Variants in RXFP1 observed in about 807,000 individuals in gnomAD.
RXFP1 encodes relaxin receptor 1.
Under a neutral mutation model 89.8 loss-of-function variants are expected in RXFP1, and 73 were observed. That is an observed-to-expected ratio of 0.81 (90% CI 0.67 to 0.99). RXFP1 has a LOEUF of 0.99. Among genes scored for constraint, RXFP1 ranks in the 50% least tolerant of loss-of-function variants. The probability of loss-of-function intolerance (pLI) is 0.00; values close to 1 mark genes in which losing one functional copy is unlikely to be tolerated. For missense variants in RXFP1, 793 were observed against 895.5 expected, an observed-to-expected ratio of 0.89 and a Z score of 1.46; for synonymous variants, 277 against 305.5, an observed-to-expected ratio of 0.91 and a Z score of 0.97.
intron 1 of RXFP1, among the ~76,000 whole-genome samples, chr4:158,554,241 T>A (rs1750774271): frequency 6.6e-6 from 1 of 152,240 alleles, no homozygotes; most frequent in Non-Finnish European, 1.5e-5. Context: ...AGAAACCGTA[T>A]TTTTACACTC....
intron 1 of RXFP1, among the ~76,000 whole-genome samples, chr4:158,540,079 CA>C (rs1746228576): frequency 6.6e-6 from 1 of 152,208 alleles, no homozygotes; most frequent in African/African-American, 2.4e-5. Flanking sequence ...TTACTGTTAG[CA>C]GAAAGGGGTC....
chr4:158,625,956 G>A (rs1766613053), intron 9 of RXFP1, among the ~76,000 whole-genome samples: 1 of 152,070 alleles, frequency 6.6e-6, no homozygotes, highest in African/African-American at 2.4e-5. Context: ...TATGAAAGAA[G>A]AGGAACAATA....
intron 11 of RXFP1, among the ~76,000 whole-genome samples, chr4:158,632,579 G>A (rs937713592): frequency 4.6e-5 from 7 of 152,152 alleles, no homozygotes; most frequent in Admixed American, 1.3e-4. Context: ...AGGTGCTGCT[G>A]TCAAACACCT....
At position 158,638,461 on chromosome 4, in the gene RXFP1, A is replaced by G. The variant is rs528829904; in HGVS notation, c.1043+382A>G. Among the ~76,000 whole-genome samples the G allele has an allele frequency of 2.1e-4, 32 of 152,046 alleles. 1 individual carries two copies. The South Asian group carries it at 6.2e-3, about 30-fold the overall frequency. ...GATTATATAAATCCTTACTTGTACC[A>G]CACACACACAAAAAGACAAAAATTC... is the stretch of plus-strand genomic sequence containing the variant. On this transcript the variant is annotated intron_variant, in intron 13 of 17. Coordinates refer to ENST00000307765, the MANE Select transcript of RXFP1 (RefSeq NM_021634.4).
chr4:158,617,016 A>C (rs1764718837), intron 8 of RXFP1, 115 bp from the exon 9 acceptor site: 2 of 705,662 alleles, frequency 2.8e-6, no homozygotes, highest in East Asian at 5.9e-5. Context: ...TAGAAGGAAA[A>C]AACAACTAAT....
intron 1 of RXFP1, among the ~76,000 whole-genome samples, chr4:158,571,465 A>G (rs910171248): frequency 2.0e-5 from 3 of 152,120 alleles, no homozygotes; most frequent in Non-Finnish European, 4.4e-5. Context: ...TCAGGAGTTC[A>G]AGACCAGCCT....
At chr4:158,637,274 T>A (rs918609056) in intron 12 of RXFP1, among the ~76,000 whole-genome samples, 3 of 152,206 alleles carry the variant, frequency 2.0e-5, no homozygotes, top group African/African-American at 7.2e-5. Flanking sequence ...GAGGAATTTC[T>A]GGATCATGTA....
At chr4:158,599,223 G>A in intron 3 of RXFP1, 103 bp from the exon 4 acceptor site, 1 of 1,559,716 alleles carries the variant, frequency 6.4e-7, no homozygotes, top group Non-Finnish European at 8.7e-7. Flanking sequence ...ATATGCTTTT[G>A]TACTAAATGA....
At chr4:158,647,275 A>G in intron 16 of RXFP1, 74 bp downstream of exon 16, 2 of 1,203,366 alleles carry the variant, frequency 1.7e-6, no homozygotes, top group Non-Finnish European at 2.3e-6. Context: ...AGTAAGAATG[A>G]GGGTGAATTC....
intron 1 of RXFP1, among the ~76,000 whole-genome samples, chr4:158,562,617 C>T (rs1446290501): frequency 6.8e-6 from 1 of 146,562 alleles, no homozygotes; most frequent in African/African-American, 2.5e-5. Flanking sequence ...CTCAAACAAG[C>T]TGAGGTTACT....
intron 1 of RXFP1, among the ~76,000 whole-genome samples, chr4:158,524,234 C>A (rs1741900117): frequency 6.6e-6 from 1 of 152,188 alleles, no homozygotes; most frequent in Non-Finnish European, 1.5e-5. Flanking sequence ...GATTGGAATG[C>A]TTTCAGAGCC....
intron 4 of RXFP1, among the ~76,000 whole-genome samples, chr4:158,604,006 A>G (rs1762158046): frequency 6.6e-6 from 1 of 151,552 alleles, no homozygotes. Context: ...CTTAAGAACC[A>G]ATTCTCACCT....
At chr4:158,612,052 A>G (rs1763679852) in intron 6 of RXFP1, 78 bp from the exon 7 acceptor site, 2 of 1,199,044 alleles carry the variant, frequency 1.7e-6, no homozygotes, top group Non-Finnish European at 2.4e-6. Flanking sequence ...TTTAAGATGG[A>G]TGATTATTGT....
chr4:158,535,661 C>A (rs1439578613), intron 1 of RXFP1, among the ~76,000 whole-genome samples: 1 of 152,230 alleles, frequency 6.6e-6, no homozygotes, highest in Non-Finnish European at 1.5e-5. Context: ...TTTCCTGGGA[C>A]CTTAATACAT....
At chr4:158,572,572 C>A in intron 1 of RXFP1, 126 bp from the exon 2 acceptor site, 1 of 831,164 alleles carries the variant, frequency 1.2e-6, no homozygotes, top group Non-Finnish European at 2.0e-6. Context: ...TAACTGGCAT[C>A]AGGGTTGTAT....
intron 6 of RXFP1, among the ~76,000 whole-genome samples, chr4:158,609,607 G>T (rs545311262): frequency 6.6e-6 from 1 of 152,210 alleles, no homozygotes; most frequent in South Asian, 2.1e-4. Context: ...TTGGCTTGTG[G>T]TATCAGAGTT....
rs201229032 is a variant in RXFP1, at chr4:158,546,975, G to A, written c.49+24950G>A. Among the ~76,000 whole-genome samples the A allele has an allele frequency of 2.9e-3, 448 of 152,176 alleles. 2 individuals are homozygous for A. The highest frequency in any genetic ancestry group is 0.019 in the East Asian group (100 of 5,180). ...GATGCTGGCCTCATAAAATGAGTTA[G>A]GGAGGATTCCCTCTTTTTCTATTGA... On this transcript the variant is annotated intron_variant, in intron 1 of 17. Coordinates refer to ENST00000307765, the MANE Select transcript of RXFP1 (RefSeq NM_021634.4).
rs1372040824 is a variant in RXFP1, at chr4:158,638,058, A to T, written c.1022A>T (p.Tyr341Phe). 2 of 1,602,392 alleles carry T rather than the reference A, an allele frequency of 1.2e-6. No individual in the cohort carries two copies. Among genetic ancestry groups the T allele is most frequent in the Middle Eastern group, 1.7e-4 (1 of 6,018 alleles). ...IQKIQANQFD[Y>F]LVKLKSLSLE... is the part of the protein sequence containing the mutation. ...AAAATTCAAGCAAACCAATTTGATT[A>T]TCTTGTCAAACTCAAGTCTCTGTAA... The change falls in exon 13 of 18, where the codon TAT becomes TTT. Residue 341 changes from tyrosine (Y) to phenylalanine (F), a missense_variant. Transcript: ENST00000307765.
At chr4:158,626,537 A>C (rs1766871434) in intron 9 of RXFP1, among the ~76,000 whole-genome samples, 1 of 152,122 alleles carries the variant, frequency 6.6e-6, no homozygotes. Context: ...AAATGTTTTC[A>C]ATTTGACTTC....
Sources: gnomAD v4.1 joint callset for allele counts (sites outside exome capture counted in the v4.1 genomes callset) on GRCh38, gnomAD v4.1.1 for gene constraint, MANE v1.5 for transcripts, NCBI Gene and HGNC (gene_info 2026-07-23, HGNC 2026-07-21) for gene names.